Variants in ARHGAP5 observed in about 807,000 individuals in gnomAD.
ARHGAP5 encodes Rho GTPase activating protein 5.
A neutral mutation model predicts 116.6 loss-of-function variants in ARHGAP5; 23 were observed. The observed-to-expected ratio is 0.20, with a 90% CI of 0.14 to 0.28. ARHGAP5 has a LOEUF of 0.28. Ranked by LOEUF, ARHGAP5 falls within the 10% of genes least tolerant of loss-of-function variation. ARHGAP5 has a pLI of 1.00. For synonymous variants in ARHGAP5, 574 were observed against 602.0 expected (o/e 0.95, Z 0.68); for missense variants, 1,405 against 1,774.8 (o/e 0.79, Z 3.74).
intron 3 of ARHGAP5, among the ~76,000 whole-genome samples, chr14:32,132,660 C>T (rs967980473): frequency 2.0e-5 from 3 of 152,138 alleles, no homozygotes; most frequent in Non-Finnish European, 4.4e-5. Flanking sequence ...AGTCCTTGTC[C>T]ATGCCTATGT....
chr14:32,143,774 T>A (rs1881246966), intron 3 of ARHGAP5, among the ~76,000 whole-genome samples: 1 of 152,186 alleles, frequency 6.6e-6, no homozygotes, highest in African/African-American at 2.4e-5. Context: ...GTTAAGGGCC[T>A]TATAATCTCC....
At chr14:32,153,541 C>G (rs992857900) in intron 6 of ARHGAP5, among the ~76,000 whole-genome samples, 3 of 131,672 alleles carry the variant, frequency 2.3e-5, no homozygotes, top group African/African-American at 8.5e-5. Flanking sequence ...GGCATGATCT[C>G]AGCTCACTGC....
Position 32,090,712 on chromosome 14 carries a change from A to T in ARHGAP5, c.43A>T (p.Ile15Phe). 6.2e-7 allele frequency: 1 copy of T among 1,613,242 alleles called. No individual in the cohort carries two copies. The highest frequency in any genetic ancestry group is 8.5e-7 in the Non-Finnish European group (1 of 1,179,468). ...NKEPRPPSYT[I>F]SIVGLSGTEK... ...AGAGCCTCGTCCCCCATCCTATACC[A>T]TCAGTATAGTTGGACTCTCTGGGAC... Residue 15 changes from isoleucine (I) to phenylalanine (F), a missense_variant, in exon 2 of 7, where the codon ATC (isoleucine) becomes TTC (phenylalanine). Physicochemically the swap from Ile to Phe is conservative, Grantham distance 21. Coordinates refer to ENST00000345122, the MANE Select transcript of ARHGAP5 (RefSeq NM_001030055.2).
intron 3 of ARHGAP5, among the ~76,000 whole-genome samples, chr14:32,141,797 G>C (rs1048039869): frequency 6.6e-6 from 1 of 151,638 alleles, no homozygotes; most frequent in Non-Finnish European, 1.5e-5. Flanking sequence ...GGTTTGCAGG[G>C]TTTTTTTTCT....
At chr14:32,116,663 C>G (rs777631781) in intron 2 of ARHGAP5, among the ~76,000 whole-genome samples, 12 of 151,978 alleles carry the variant, frequency 7.9e-5, no homozygotes, top group Non-Finnish European at 1.8e-4. Flanking sequence ...AAATAAGGGA[C>G]AAATGATGGA....
intron 2 of ARHGAP5, among the ~76,000 whole-genome samples, chr14:32,113,773 G>A (rs760753396): frequency 6.6e-6 from 1 of 152,222 alleles, no homozygotes; most frequent in Non-Finnish European, 1.5e-5. Flanking sequence ...CTAAATGCTA[G>A]TGCTAAGAAA....
At chr14:32,100,568 A>C (rs1427324404) in intron 2 of ARHGAP5, among the ~76,000 whole-genome samples, 1 of 152,184 alleles carries the variant, frequency 6.6e-6, no homozygotes, top group Non-Finnish European at 1.5e-5. Flanking sequence ...GGTTATTATA[A>C]GTAATGTAGA....
In ARHGAP5 at chr14:32,082,437, A is replaced by T. The variant is rs548350345; in HGVS notation, c.-169+5002A>T. Among the ~76,000 whole-genome samples, 6 of 152,320 alleles carry T rather than the reference A, an allele frequency of 3.9e-5. No individual in the cohort carries two copies. The South Asian group carries it at 1.0e-3, about 26-fold the overall frequency. ...GAACCACCATCTATTGCTGAAACTGATTAGTTTTTCATTAAGAAACACTGG... is the reference window on the plus strand; with the variant it reads ...GAACCACCATCTATTGCTGAAACTGTTTAGTTTTTCATTAAGAAACACTGG... On this transcript the variant is annotated intron_variant, in intron 1 of 6. Coordinates refer to ENST00000345122, the MANE Select transcript of ARHGAP5 (RefSeq NM_001030055.2).
chr14:32,127,702 G>T (rs936501601), intron 3 of ARHGAP5, among the ~76,000 whole-genome samples: 3 of 152,164 alleles, frequency 2.0e-5, no homozygotes, highest in Non-Finnish European at 4.4e-5. Context: ...CCTCCCAGAC[G>T]GGGTGGCGGC....
intron 1 of ARHGAP5, among the ~76,000 whole-genome samples, chr14:32,079,507 A>G (rs903690230): frequency 2.5e-4 from 38 of 152,348 alleles, no homozygotes; most frequent in African/African-American, 8.7e-4. Flanking sequence ...TTTGAAAAGC[A>G]TATTAGCACA....
intron 3 of ARHGAP5, among the ~76,000 whole-genome samples, chr14:32,126,325 A>AG: frequency 6.6e-6 from 1 of 152,156 alleles, no homozygotes; most frequent in Non-Finnish European, 1.5e-5. Flanking sequence ...CTGAGACTCT[A>AG]GGTAAACCTT....
At chr14:32,126,794 TG>T (rs869163089) in intron 3 of ARHGAP5, among the ~76,000 whole-genome samples, 52 of 151,628 alleles carry the variant, frequency 3.4e-4, no homozygotes, top group East Asian at 1.2e-3. Context: ...TTTCTTTTTT[TG>T]GGGGGGGAGT....
At chr14:32,115,263 C>CTTA (rs1400832748) in intron 2 of ARHGAP5, among the ~76,000 whole-genome samples, 1 of 152,176 alleles carries the variant, frequency 6.6e-6, no homozygotes, top group Non-Finnish European at 1.5e-5. Flanking sequence ...ATCATTTTCC[C>CTTA]TCTAATGCTA....
chr14:32,150,091 T>C, intron 5 of ARHGAP5, 58 bp downstream of exon 5: 1 of 1,383,990 alleles, frequency 7.2e-7, no homozygotes, highest in Non-Finnish European at 9.7e-7. Context: ...TGGATATTGA[T>C]TGCTAAGTGT....
In ARHGAP5 at chr14:32,155,214, A is replaced by G. The variant is rs1244498237; in HGVS notation, c.*266A>G. 16 of 333,868 alleles carry G rather than the reference A, an allele frequency of 4.8e-5. No homozygotes were observed. The Admixed American group carries it at 6.9e-4, about 14-fold the overall frequency. 20.7% of individuals were successfully genotyped at this position (333,868 alleles called of 1,614,324 possible). On this transcript the variant is annotated 3_prime_UTR_variant, in exon 7 of 7. Transcript: ENST00000345122. The stretch of plus-strand genomic sequence containing the variant: ...TGCTGCATGCAACCTTATTGCAATC[A>G]GTATATCATTCCTGTGGCAATTTCT...
intron 1 of ARHGAP5, among the ~76,000 whole-genome samples, chr14:32,089,098 A>C (rs2041859086): frequency 6.6e-6 from 1 of 151,978 alleles, no homozygotes; most frequent in Admixed American, 6.6e-5. Flanking sequence ...TATTTAGTTG[A>C]GGTTGATGGA....
intron 2 of ARHGAP5, among the ~76,000 whole-genome samples, chr14:32,101,983 G>GAAA (rs1345724721): frequency 1.4e-5 from 2 of 145,544 alleles, no homozygotes; most frequent in African/African-American, 5.0e-5. Flanking sequence ...ACTCCAAAAA[G>GAAA]AAAAAAAAAA....
At chr14:32,140,474 T>G (rs1426540353) in intron 3 of ARHGAP5, among the ~76,000 whole-genome samples, 1 of 151,384 alleles carries the variant, frequency 6.6e-6, no homozygotes, top group Non-Finnish European at 1.5e-5. Flanking sequence ...GCTGTAGTCC[T>G]AACTACTCTG....
At chr14:32,077,910 A>C (rs1243603602) in intron 1 of ARHGAP5, among the ~76,000 whole-genome samples, 1 of 152,076 alleles carries the variant, frequency 6.6e-6, no homozygotes, top group Non-Finnish European at 1.5e-5. Flanking sequence ...TCGGTTGCAA[A>C]CTTAAACGCC....
Sources: gnomAD v4.1 joint callset for allele counts (sites outside exome capture counted in the v4.1 genomes callset) on GRCh38, gnomAD v4.1.1 for gene constraint, MANE v1.5 for transcripts, NCBI Gene and HGNC (gene_info 2026-07-23, HGNC 2026-07-21) for gene names.